Variants in ERBIN observed in about 807,000 individuals in gnomAD.
The protein encoded by ERBIN is erbb2 interacting protein, also known as densin-180-like protein.
Under a neutral mutation model 158.4 loss-of-function variants are expected in ERBIN, and 60 were observed. The observed-to-expected ratio is 0.38, with a 90% CI of 0.31 to 0.47. The LOEUF is 0.47. Ranked by LOEUF, ERBIN falls within the 20% of genes least tolerant of loss-of-function variation. The pLI is 0.99. For synonymous variants in ERBIN, 594 were observed against 557.2 expected, an observed-to-expected ratio of 1.07 and a Z score of -0.93; for missense variants, 1,610 against 1,648.0, an observed-to-expected ratio of 0.98 and a Z score of 0.40.
At chr5:66,029,247 G>A (rs1756594016) in intron 14 of ERBIN, among the ~76,000 whole-genome samples, 1 of 152,144 alleles carries the variant, frequency 6.6e-6, no homozygotes, top group African/African-American at 2.4e-5. Flanking sequence ...CCCACCAACA[G>A]TGTGTAAGGA....
Position 65,962,557 on chromosome 5 carries a change from C to A in ERBIN, c.-57-26078C>A, listed in dbSNP as rs200171437. On this transcript the variant is annotated intron_variant, in intron 1 of 25. Transcript: ENST00000284037. ...AAATAATGGTATATTTATATTTAGA[C>A]ATTTCATAAATGAAGGTGTTTCATA... Among the ~76,000 whole-genome samples, 17 of 152,230 alleles carry A rather than the reference C, an allele frequency of 1.1e-4. No homozygotes were observed. The East Asian group carries it at 2.7e-3, about 24-fold the overall frequency.
At chr5:66,006,089 A>G (rs892731289) in intron 4 of ERBIN, among the ~76,000 whole-genome samples, 32 of 152,364 alleles carry the variant, frequency 2.1e-4, no homozygotes, top group Admixed American at 8.5e-4. Flanking sequence ...CGCCAAGTCA[A>G]TCCTAAGAGA....
At chr5:66,076,618 A>G (rs1762007579) in intron 24 of ERBIN, 1 of 599,694 alleles carries the variant, frequency 1.7e-6, no homozygotes, top group South Asian at 2.2e-5. Flanking sequence ...TTATGATATA[A>G]TGAAATGATT....
intron 4 of ERBIN, among the ~76,000 whole-genome samples, chr5:66,006,534 T>C (rs568546672): frequency 6.6e-6 from 1 of 152,082 alleles, no homozygotes; most frequent in East Asian, 1.9e-4. Flanking sequence ...AAAGCCAAAA[T>C]TGACAAATGG....
At chr5:65,984,220 G>A (rs2151023877) in intron 1 of ERBIN, among the ~76,000 whole-genome samples, 1 of 151,582 alleles carries the variant, frequency 6.6e-6, no homozygotes, top group Non-Finnish European at 1.5e-5. Flanking sequence ...TGCACACCCA[G>A]CGTGGCCTCC....
At chr5:65,960,702 T>TG (rs1434641191) in intron 1 of ERBIN, among the ~76,000 whole-genome samples, 2 of 152,304 alleles carry the variant, frequency 1.3e-5, no homozygotes, top group Non-Finnish European at 2.9e-5. Flanking sequence ...TTGCTATCCT[T>TG]GACAAGATTT....
chr5:66,067,423 T>C (rs557707160), intron 21 of ERBIN, among the ~76,000 whole-genome samples: 1 of 152,342 alleles, frequency 6.6e-6, no homozygotes, highest in East Asian at 1.9e-4. Flanking sequence ...TCATCCAGTT[T>C]GACCATTAAG....
chr5:66,060,069 G>T (rs1387314483), intron 21 of ERBIN, among the ~76,000 whole-genome samples: 1 of 152,192 alleles, frequency 6.6e-6, no homozygotes, highest in Non-Finnish European at 1.5e-5. Flanking sequence ...AGTTAGGGAG[G>T]ATTCCCTCTT....
At chr5:65,955,131 TA>T (rs982751100) in intron 1 of ERBIN, among the ~76,000 whole-genome samples, 1 of 152,050 alleles carries the variant, frequency 6.6e-6, no homozygotes, top group Admixed American at 6.6e-5. Flanking sequence ...ACTTTTATGT[TA>T]AAAAAAGTCT....
intron 21 of ERBIN, 198 bp downstream of exon 21, chr5:66,055,149 A>G: frequency 7.8e-7 from 1 of 1,289,040 alleles, no homozygotes; most frequent in Non-Finnish European, 9.9e-7. Flanking sequence ...CCTCTCCTTC[A>G]CTCCCCACTG....
Position 65,994,729 on chromosome 5 carries a change from C to A in ERBIN, c.190-18C>A, listed in dbSNP as rs202002843. 618 of 1,353,278 alleles carry A rather than the reference C, an allele frequency of 4.6e-4. 2 individuals are homozygous for A. In the Middle Eastern group the frequency reaches 8.5e-3, roughly 19 times the overall value. 83.8% of individuals were successfully genotyped at this position (1,353,278 alleles called of 1,614,324 possible). Reference sequence around the variant, plus strand: ...AAGATGTATATAATTGACATTCTTTCCTCCCTTTTTTCAATAGCAACTTTT... The same window carrying A: ...AAGATGTATATAATTGACATTCTTTACTCCCTTTTTTCAATAGCAACTTTT... On this transcript the variant is annotated intron_variant, in intron 3 of 25. Coordinates refer to ENST00000284037, the MANE Select transcript of ERBIN (RefSeq NM_001253697.2).
chr5:66,003,596 T>C (rs1318324770), intron 4 of ERBIN, among the ~76,000 whole-genome samples: 1 of 152,206 alleles, frequency 6.6e-6, no homozygotes, highest in Non-Finnish European at 1.5e-5. Flanking sequence ...GACAATATCA[T>C]GTTTTGTCTT....
chr5:66,077,107 C>T (rs567548338), intron 25 of ERBIN, among the ~76,000 whole-genome samples, 158 bp downstream of exon 25: 4 of 147,666 alleles, frequency 2.7e-5, no homozygotes, highest in Non-Finnish European at 3.0e-5. Context: ...GCCGAGATCG[C>T]GCCACTGTAC....
chr5:66,043,367 G>A (rs1438540802), intron 16 of ERBIN, among the ~76,000 whole-genome samples, 169 bp downstream of exon 16: 1 of 152,020 alleles, frequency 6.6e-6, no homozygotes, highest in Non-Finnish European at 1.5e-5. Flanking sequence ...GAAAGAATTT[G>A]GGAACAATAT....
chr5:65,977,123 G>A (rs1175231957), intron 1 of ERBIN, among the ~76,000 whole-genome samples: 7 of 150,742 alleles, frequency 4.6e-5, no homozygotes, highest in African/African-American at 1.5e-4. Context: ...CCTCCCGGAC[G>A]GGGCGGCTGG....
chr5:65,965,382 G>GTGTTTTTTTTTTTTTTTTTTTT (rs1748463162), intron 1 of ERBIN, among the ~76,000 whole-genome samples: 1 of 96,072 alleles, frequency 1.0e-5, no homozygotes, highest in Non-Finnish European at 2.1e-5. Flanking sequence ...GTTTTTTGTT[G>GTGTTTTTTTTTTTTTTTTTTTT]TTTTTTTTTT....
At chr5:66,041,500 T>C (rs974395015) in intron 15 of ERBIN, among the ~76,000 whole-genome samples, 2 of 151,988 alleles carry the variant, frequency 1.3e-5, no homozygotes, top group Non-Finnish European at 2.9e-5. Flanking sequence ...TCAGTTTGAG[T>C]AGCCTCTAGA....
chr5:65,994,915 A>G, intron 4 of ERBIN, 51 bp downstream of exon 4: 1 of 1,039,914 alleles, frequency 9.6e-7, no homozygotes, highest in Non-Finnish European at 1.5e-6. Flanking sequence ...ATGTTTCATT[A>G]CTAAGATTTC....
At chr5:65,965,382 G>GTTTTGTTTTTTT (rs1748464142) in intron 1 of ERBIN, among the ~76,000 whole-genome samples, 2 of 96,072 alleles carry the variant, frequency 2.1e-5, no homozygotes, top group East Asian at 3.5e-4. Context: ...GTTTTTTGTT[G>GTTTTGTTTTTTT]TTTTTTTTTT....
Sources: allele counts gnomAD v4.1 joint callset (sites outside exome capture counted in the v4.1 genomes callset), GRCh38; gene constraint gnomAD v4.1.1; transcripts MANE v1.5; gene names NCBI Gene and HGNC (gene_info 2026-07-23, HGNC 2026-07-21).